The following ASPM variants were observed in gnomAD, a reference collection of about 807,000 sequenced individuals.
ASPM encodes abnormal spindle-like microcephaly-associated protein.
In ASPM, 256 loss-of-function variants were observed where a neutral mutation model predicts 366.4. The observed-to-expected ratio is 0.70, with a 90% CI of 0.63 to 0.77. The LOEUF (loss-of-function observed/expected upper bound fraction) is 0.77. ASPM is among the 30% of genes least tolerant of loss of function. The pLI is 0.00. For missense variants in ASPM, 4,146 were observed against 4,090.4 expected (o/e 1.01, Z -0.37); for synonymous variants, 1,414 against 1,342.9 (o/e 1.05, Z -1.16).
chr1:197,111,595 A>G (rs1312299067), intron 17 of ASPM, among the ~76,000 whole-genome samples: 1 of 152,136 alleles, frequency 6.6e-6, no homozygotes, highest in Non-Finnish European at 1.5e-5. Context: ...CAAAGAAAAT[A>G]AATCATTCTA....
chr1:197,141,184 T>TA (rs11378728), intron 3 of ASPM, among the ~76,000 whole-genome samples: 72,179 of 150,618 alleles, frequency 0.48, 18,126 homozygotes, highest in East Asian at 0.84. Flanking sequence ...TGTAAAGAGT[T>TA]AAAAAAAAAA....
chr1:197,122,649 A>G, intron 13 of ASPM, 54 bp from the exon 14 acceptor site: 1 of 1,474,320 alleles, frequency 6.8e-7, no homozygotes. Flanking sequence ...TAGTATAGAC[A>G]TAATGGTTTG....
At position 197,103,125 on chromosome 1, in the gene ASPM, A is replaced by G. The variant is rs1571600455; in HGVS notation, c.6126T>C (p.Asp2042=). The change falls in exon 18 of 28, where the codon GAT becomes GAC. Residue 2042 remains aspartate (D), a synonymous_variant. Transcript: ENST00000367409. ...GTATAGTGACTGCTGCTTTGTTGCA[A>G]TCCTTTATTCTTTTTCTCACTTTCA... ...RGMKVRKRIK[D]CNKAAVTIQS... The G allele has an allele frequency of 1.2e-6, 2 of 1,612,790 alleles. No individual in the cohort carries two copies. Among genetic ancestry groups the G allele is most frequent in the East Asian group, 2.2e-5 (1 of 44,824 alleles).
Position 197,100,740 on chromosome 1 carries a change from T to C in ASPM, c.8511A>G (p.Lys2837=). 3.1e-6 allele frequency: 5 copies of C among 1,612,470 alleles called. No individual in the cohort carries two copies. The highest frequency in any genetic ancestry group is 4.2e-6 in the Non-Finnish European group (5 of 1,179,088). ...AGAACTGAATCCGTAGGGCAGCACA[T>C]TTCTGTGTTTCCAGTTTTCTTGTGA... The part of the protein sequence containing the change: ...RMVTRKLETQ[K]CAALRIQFFL... The change falls in exon 18 of 28, where the codon AAA becomes AAG. Residue 2837 remains lysine (K), a synonymous_variant. Transcript: ENST00000367409.
Position 197,088,439 on chromosome 1 carries a change from G to C in ASPM, c.9985-7C>G. ...CTGAAGTAGTTTTCTCATACTTGAAGAGAACAGAATGAAATTAAAAGTTGT... is the reference window on the plus strand; with the variant it reads ...CTGAAGTAGTTTTCTCATACTTGAACAGAACAGAATGAAATTAAAAGTTGT... On this transcript the variant is annotated splice_polypyrimidine_tract_variant and splice_region_variant and intron_variant, in intron 25 of 27. Transcript: ENST00000367409. 6.3e-7 allele frequency: 1 copy of C among 1,585,136 alleles called. No individual in the cohort carries two copies. The highest frequency in any genetic ancestry group is 1.3e-5 in the African/African-American group (1 of 74,194).
chr1:197,142,823 C>A lies in ASPM; in HGVS notation c.1429G>T (p.Asp477Tyr), dbSNP rs149162314. The A allele has an allele frequency of 1.7e-4, 272 of 1,613,492 alleles. No individual in the cohort carries two copies. Among genetic ancestry groups the A allele is most frequent in the Non-Finnish European group, 2.2e-4 (261 of 1,179,498 alleles). ...TTATTGTGGCTATGACTAGAAATAT[C>A]CTGAACTGCAGAAAATTTAGGATTA... ...QNNPKFSAVQ[D>Y]ISSHSHNKQP... The change falls in exon 3 of 28, where the codon GAT becomes TAT. Residue 477 changes from aspartate (D) to tyrosine (Y), a missense_variant. Transcript: ENST00000367409.
In ASPM at chr1:197,142,792, GGTT is replaced by G. The variant is rs1557965333; in HGVS notation, c.1457_1459del (p.Gln486del). The G allele has an allele frequency of 1.9e-6, 3 of 1,613,478 alleles. No individual in the cohort carries two copies. Among genetic ancestry groups the G allele is most frequent in the African/African-American group, 2.7e-5 (2 of 74,902 alleles). On this transcript the variant is annotated inframe_deletion, in exon 3 of 28. Transcript: ENST00000367409. ...GGCAGAAAGTATTGGACGTCTCTTAGGTTGTTTATTGTGGCTATGACTAGAAAT... is the reference window on the plus strand; with the variant it reads ...GGCAGAAAGTATTGGACGTCTCTTAGGTTTATTGTGGCTATGACTAGAAAT...
Position 197,089,963 on chromosome 1 carries a change from T to A in ASPM, c.9951A>T (p.Arg3317Ser). The A allele has an allele frequency of 6.2e-7, 1 of 1,613,312 alleles. No individual in the cohort carries two copies. ...NRSIPCMEVI[R>S]YAVQVLLNVS... ...CATTAAGCAAGACTTGCACAGCATA[T>A]CTGATGACTTCCATACAAGGAATAC... is the stretch of plus-strand genomic sequence containing the variant. The change falls in exon 25 of 28, where the codon AGA (arginine) becomes AGT (serine). Residue 3317 changes from arginine to serine, a missense_variant. This residue lies in a region of ASPM where 3,624 missense variants were observed against 3,591.7 expected (regional missense o/e 1.01). Coordinates refer to ENST00000367409, the MANE Select transcript of ASPM (RefSeq NM_018136.5).
chr1:197,132,776 T>C (rs1658303613), intron 6 of ASPM, among the ~76,000 whole-genome samples: 1 of 149,804 alleles, frequency 6.7e-6, no homozygotes, highest in South Asian at 2.1e-4. Flanking sequence ...TATATTTATA[T>C]ATAATGAAGT....
chr1:197,142,404 TTTC>T lies in ASPM; in HGVS notation c.1845_1847del (p.Lys616del), dbSNP rs750297982. On this transcript the variant is annotated inframe_deletion, in exon 3 of 28. Coordinates refer to ENST00000367409, the MANE Select transcript of ASPM (RefSeq NM_018136.5). ...AGATGGGTGTTGTCACATTTTTTGT[TTTC>T]TTAACAGCTGATGTTTTAGGCTCTG... The T allele has an allele frequency of 3.8e-5, 61 of 1,613,842 alleles. 1 individual carries two copies. The Admixed American group carries it at 1.0e-3, about 27-fold the overall frequency.
rs370471247 is a variant in ASPM, at chr1:197,101,172, T to C, written c.8079A>G (p.Thr2693=). The change falls in exon 18 of 28, where the codon ACA becomes ACG. Residue 2693 remains threonine, a synonymous_variant. Coordinates refer to ENST00000367409, the MANE Select transcript of ASPM (RefSeq NM_018136.5). The part of the protein sequence containing the change: ...KDIQNMHRAA[T]LIQSFYRMHR... Reference sequence around the variant, plus strand: ...GCATTCGATAGAATGACTGAATTAGTGTGGCAGCCCGGTGCATATTTTGAA... The same window carrying C: ...GCATTCGATAGAATGACTGAATTAGCGTGGCAGCCCGGTGCATATTTTGAA... 8.1e-6 allele frequency: 13 copies of C among 1,612,374 alleles called. No homozygotes were observed. The highest frequency in any genetic ancestry group is 1.0e-5 in the Non-Finnish European group (12 of 1,179,150).
At chr1:197,088,829 CTAA>C (rs1161926084) in intron 25 of ASPM, among the ~76,000 whole-genome samples, 1 of 151,968 alleles carries the variant, frequency 6.6e-6, no homozygotes, top group African/African-American at 2.4e-5. Flanking sequence ...AAGGCAGGAT[CTAA>C]TTAGTTACTC....
chr1:197,124,155 T>A lies in ASPM; in HGVS notation c.3345A>T (p.Leu1115Phe). Reference sequence around the variant, plus strand: ...AAACAGCATTTACCCAATCCATCAATAACTTTATGTTTTCACTATATTGTT... The same window carrying A: ...AAACAGCATTTACCCAATCCATCAAAAACTTTATGTTTTCACTATATTGTT... The part of the protein sequence containing the change: ...SFEQYSENIK[L>F]LMDWVNAVCA... The change falls in exon 13 of 28, where the codon TTA becomes TTT. Residue 1115 changes from leucine to phenylalanine, a missense_variant. Coordinates refer to ENST00000367409, the MANE Select transcript of ASPM (RefSeq NM_018136.5). 1 of 1,612,758 alleles carries A rather than the reference T, an allele frequency of 6.2e-7. No homozygotes were observed. Among genetic ancestry groups the A allele is most frequent in the South Asian group, 1.1e-5 (1 of 90,834 alleles).
In ASPM at chr1:197,102,672, T is replaced by G; in HGVS notation, c.6579A>C (p.Ala2193=). ...TTCTGTAGTTTGACTGAATGAGTGTTGCTGCAGTCTGCATCTTTCTAAGAG... is the reference window on the plus strand; with the variant it reads ...TTCTGTAGTTTGACTGAATGAGTGTGGCTGCAGTCTGCATCTTTCTAAGAG... ...RRTLRKMQTA[A]TLIQSNYRRY... The change falls in exon 18 of 28, where the codon GCA becomes GCC. Residue 2193 remains alanine, a synonymous_variant. Coordinates refer to ENST00000367409, the MANE Select transcript of ASPM (RefSeq NM_018136.5). The G allele has an allele frequency of 6.2e-7, 1 of 1,612,794 alleles. No homozygotes were observed. Among genetic ancestry groups the G allele is most frequent in the Non-Finnish European group, 8.5e-7 (1 of 1,179,288 alleles).
At chr1:197,138,799 C>T in intron 4 of ASPM, 1 of 747,624 alleles carries the variant, frequency 1.3e-6, no homozygotes. Flanking sequence ...GCTGAGTCTG[C>T]AGTGCCTCAG....
At position 197,124,907 on chromosome 1, in the gene ASPM, G is replaced by GC. The variant is rs1658037889; in HGVS notation, c.3130_3131insG (p.Thr1044SerfsTer19). 6.2e-7 allele frequency: 1 copy of GC among 1,611,452 alleles called. No individual in the cohort carries two copies. The highest frequency in any genetic ancestry group is 1.7e-5 in the Admixed American group (1 of 59,984). On this transcript the variant is annotated frameshift_variant, in exon 12 of 28. Transcript: ENST00000367409. LOFTEE classifies it high-confidence loss of function. ...CGCTATTTTCCAAAGCAACCTGAGA[G>GC]TTTTTTCTCTGTGCCTATCCACAAT...
At position 197,101,214 on chromosome 1, in the gene ASPM, A is replaced by T. The variant is rs1347846267; in HGVS notation, c.8037T>A (p.Phe2679Leu). Residue 2679 changes from phenylalanine (F) to leucine (L), a missense_variant, in exon 18 of 28, where the codon TTT becomes TTA. Transcript: ENST00000367409. ...TATTTTGAATATCCTTTCGTACTTTAAAGCCTCTGTAATAAGACTGTATAC... is the reference window on the plus strand; with the variant it reads ...TATTTTGAATATCCTTTCGTACTTTTAAGCCTCTGTAATAAGACTGTATAC... ...VICIQSYYRG[F>L]KVRKDIQNMH... 1 of 1,612,206 alleles carries T rather than the reference A, an allele frequency of 6.2e-7. No homozygotes were observed.
At chr1:197,122,956 G>T (rs1657964103) in intron 13 of ASPM, among the ~76,000 whole-genome samples, 3 of 152,058 alleles carry the variant, frequency 2.0e-5, no homozygotes, top group African/African-American at 7.2e-5. Context: ...TGTGAATATT[G>T]AACCATTGCA....
In ASPM at chr1:197,102,430, CT is replaced by C. The variant is rs1657224774; in HGVS notation, c.6820del (p.Arg2274GlufsTer3). On this transcript the variant is annotated frameshift_variant, in exon 18 of 28. Transcript: ENST00000367409. LOFTEE classifies it high-confidence loss of function. ...IAATLIQRRF[R>X]TLMMRRRFLS... is the part of the protein sequence containing the mutation. ...GAATCTTCTTCTCATCATTAGAGTT[CT>C]AAATCTCCTCTGAATGAGAGTTGCG... 1.2e-6 allele frequency: 2 copies of C among 1,612,456 alleles called. No individual in the cohort carries two copies. Among genetic ancestry groups the C allele is most frequent in the South Asian group, 2.2e-5 (2 of 91,054 alleles).
Sources: gnomAD v4.1 joint callset for allele counts (sites outside exome capture counted in the v4.1 genomes callset) on GRCh38, gnomAD v4.1.1 for gene constraint, gnomAD v4.1.1 regional missense constraint, MANE v1.5 for transcripts, NCBI Gene and HGNC (gene_info 2026-07-23, HGNC 2026-07-21) for gene names.